RAPGEF2: variants seen among roughly 807,000 people sequenced by gnomAD.
RAPGEF2 encodes Rap guanine nucleotide exchange factor 2.
In RAPGEF2, 54 loss-of-function variants were observed where a neutral mutation model predicts 186.7. The observed-to-expected ratio is 0.29, with a 90% CI of 0.23 to 0.36. The LOEUF (loss-of-function observed/expected upper bound fraction) is 0.36, where lower values mean the gene tolerates loss of function less well. Ranked by LOEUF, RAPGEF2 falls within the 10% of genes least tolerant of loss-of-function variation. RAPGEF2 has a pLI of 1.00. For synonymous variants in RAPGEF2, 712 were observed against 705.9 expected, an observed-to-expected ratio of 1.01 and a Z score of -0.14; for missense variants, 1,532 against 2,045.0, an observed-to-expected ratio of 0.75 and a Z score of 4.84.
rs913614735 is a variant in RAPGEF2 at position 159,356,037 on chromosome 4, G to A, written c.4836G>A (p.Gln1612=). ...ACACAGCTGGGCCTTCATCCGTACA[G>A]CAGCCACATGGGCATCCCACCAGCA... ...SSDTAGPSSV[Q]QPHGHPTSSR... is the part of the protein sequence containing the mutation. Residue 1612 remains glutamine, a synonymous_variant, in exon 29 of 30, where the codon CAG becomes CAA. Coordinates refer to ENST00000691494, the MANE Select transcript of RAPGEF2 (RefSeq NM_001394067.2). 3.1e-6 allele frequency: 5 copies of A among 1,614,074 alleles called. No individual in the cohort carries two copies. In the African/African-American group the frequency reaches 6.7e-5, roughly 22 times the overall value.
chr4:159,165,329 A>G (rs554138444), intron 1 of RAPGEF2, among the ~76,000 whole-genome samples: 9 of 152,072 alleles, frequency 5.9e-5, no homozygotes, highest in Non-Finnish European at 1.2e-4. Context: ...TGGAGTAACT[A>G]TTTTTTCCTA....
At chr4:159,184,652 G>A (rs112507704) in intron 1 of RAPGEF2, among the ~76,000 whole-genome samples, 9,503 of 152,002 alleles carry the variant, frequency 0.063, 449 homozygotes, top group Non-Finnish European at 0.1. Context: ...GCCCTTTGTC[G>A]GATGAGTAGG....
chr4:159,232,130 T>C (rs1248794733), intron 4 of RAPGEF2, among the ~76,000 whole-genome samples: 1 of 152,196 alleles, frequency 6.6e-6, no homozygotes, highest in African/African-American at 2.4e-5. Flanking sequence ...TTATGTAAAA[T>C]ATGTCATTTT....
At chr4:159,261,613 A>C (rs1756889669) in intron 7 of RAPGEF2, among the ~76,000 whole-genome samples, 1 of 152,186 alleles carries the variant, frequency 6.6e-6, no homozygotes, top group African/African-American at 2.4e-5. Context: ...AAATATTACC[A>C]GCTTTTTGTA....
At chr4:159,273,671 TTTCTTTC>T (rs1449758823) in intron 7 of RAPGEF2, among the ~76,000 whole-genome samples, 1 of 150,634 alleles carries the variant, frequency 6.6e-6, no homozygotes, top group East Asian at 1.9e-4. Flanking sequence ...TCTTTCTTTC[TTTCTTTC>T]TTTCTTTCTT....
At chr4:159,310,562 A>G (rs959345393) in intron 8 of RAPGEF2, among the ~76,000 whole-genome samples, 1 of 152,158 alleles carries the variant, frequency 6.6e-6, no homozygotes, top group African/African-American at 2.4e-5. Flanking sequence ...TGTGTTCACA[A>G]TAGCAGAATG....
At chr4:159,147,138 T>C (rs1743035482) in intron 1 of RAPGEF2, among the ~76,000 whole-genome samples, 1 of 152,198 alleles carries the variant, frequency 6.6e-6, no homozygotes, top group Non-Finnish European at 1.5e-5. Flanking sequence ...TAACCAGTCT[T>C]TTCTTTTTAT....
intron 7 of RAPGEF2, among the ~76,000 whole-genome samples, chr4:159,291,255 T>A (rs759328340): frequency 6.6e-6 from 1 of 152,210 alleles, no homozygotes; most frequent in Non-Finnish European, 1.5e-5. Context: ...CCTGTGTATG[T>A]GTGAATATAT....
At chr4:159,232,759 G>A (rs1388787240) in intron 4 of RAPGEF2, among the ~76,000 whole-genome samples, 1 of 152,040 alleles carries the variant, frequency 6.6e-6, no homozygotes, top group Non-Finnish European at 1.5e-5. Context: ...CAATGCACAG[G>A]GTTCCAAGTC....
chr4:159,104,489 CGAGAGAGAGAGA>C lies in RAPGEF2; in HGVS notation c.69+284_69+295del, dbSNP rs553251268. On this transcript the variant is annotated intron_variant, in intron 1 of 29. Transcript: ENST00000691494. Reference sequence around the variant, plus strand: ...GACCTTTCCCACTATGTTGCCCAGCCGAGAGAGAGAGAGAGAGAGAGAGAGAGAGAGAGAGAG... The same window carrying C: ...GACCTTTCCCACTATGTTGCCCAGCCGAGAGAGAGAGAGAGAGAGAGAGAG... 2.2e-3 allele frequency among the ~76,000 whole-genome samples: 191 copies of C among 88,790 alleles called. 1 individual carries two copies. The highest frequency in any genetic ancestry group is 6.0e-3 in the African/African-American group (110 of 18,400). 58.2% of individuals were successfully genotyped at this position (88,790 alleles called of 152,430 possible). A position where few individuals can be genotyped will look rare whatever the true frequency, so the allele number is the denominator to read the frequency against.
At chr4:159,190,377 G>C (rs957241394) in intron 2 of RAPGEF2, among the ~76,000 whole-genome samples, 1 of 152,168 alleles carries the variant, frequency 6.6e-6, no homozygotes, top group African/African-American at 2.4e-5. Context: ...GTCTTGGTAA[G>C]GGATAATGGT....
At chr4:159,112,835 C>T (rs1011273546) in intron 1 of RAPGEF2, among the ~76,000 whole-genome samples, 11 of 151,970 alleles carry the variant, frequency 7.2e-5, no homozygotes, top group Admixed American at 5.9e-4. Context: ...ATATCTCCCC[C>T]ACAAAATTAA....
At chr4:159,307,939 C>G (rs1357039000) in intron 8 of RAPGEF2, among the ~76,000 whole-genome samples, 1 of 152,168 alleles carries the variant, frequency 6.6e-6, no homozygotes, top group Non-Finnish European at 1.5e-5. Context: ...CCACTGCACT[C>G]CAGCCTATGG....
At chr4:159,267,791 C>CTTT in intron 7 of RAPGEF2, 1 of 915,154 alleles carries the variant, frequency 1.1e-6, no homozygotes, top group Non-Finnish European at 1.3e-6. Context: ...TAGCTTTTTT[C>CTTT]TTTTTTTTTT....
At chr4:159,303,646 T>C (rs1762944043) in intron 7 of RAPGEF2, among the ~76,000 whole-genome samples, 1 of 151,940 alleles carries the variant, frequency 6.6e-6, no homozygotes, top group Non-Finnish European at 1.5e-5. Flanking sequence ...GCGGTTTTTT[T>C]TTTTCTAATG....
At chr4:159,181,783 C>T (rs531802078) in intron 1 of RAPGEF2, among the ~76,000 whole-genome samples, 160 of 152,198 alleles carry the variant, frequency 1.1e-3, no homozygotes, top group African/African-American at 3.4e-3. Context: ...GTCATCCACC[C>T]GCCTCGGCCT....
intron 7 of RAPGEF2, among the ~76,000 whole-genome samples, chr4:159,277,603 T>G (rs1453014647): frequency 6.6e-6 from 1 of 152,244 alleles, no homozygotes; most frequent in African/African-American, 2.4e-5. Flanking sequence ...TCCTGACTTT[T>G]TAATGATTGC....
chr4:159,232,253 C>T (rs888157105), intron 4 of RAPGEF2, among the ~76,000 whole-genome samples: 6 of 152,168 alleles, frequency 3.9e-5, no homozygotes, highest in Admixed American at 2.0e-4. Flanking sequence ...TTCTGTAACT[C>T]CAGATGGAAA....
chr4:159,180,427 A>G (rs142140630), intron 1 of RAPGEF2, among the ~76,000 whole-genome samples: 162 of 152,320 alleles, frequency 1.1e-3, no homozygotes, highest in Non-Finnish European at 1.8e-3. Flanking sequence ...ACTCCTGTTA[A>G]TACAACTAAG....
Sources: allele counts gnomAD v4.1 joint callset (sites outside exome capture counted in the v4.1 genomes callset), GRCh38; gene constraint gnomAD v4.1.1; transcripts MANE v1.5; gene names NCBI Gene and HGNC (gene_info 2026-07-23, HGNC 2026-07-21).